The following MAPKAPK5 variants were observed in gnomAD, a reference collection of about 807,000 sequenced individuals.
MAPKAPK5 encodes MAP kinase-activated protein kinase 5.
A neutral mutation model predicts 65.1 loss-of-function variants in MAPKAPK5; 30 were observed. That is an observed-to-expected ratio of 0.46 (90% CI 0.34 to 0.63). The LOEUF is 0.63. MAPKAPK5 is among the 20% of genes least tolerant of loss of function. The pLI, the probability that MAPKAPK5 is intolerant of heterozygous loss-of-function variation, is 0.01. For missense variants in MAPKAPK5, 433 were observed against 581.4 expected (o/e 0.74, Z 2.63); for synonymous variants, 179 against 204.6 (o/e 0.87, Z 1.07).
At chr12:111,890,171 C>G (rs1455664134) in intron 13 of MAPKAPK5, 27 bp downstream of exon 13, 2 of 1,452,694 alleles carry the variant, frequency 1.4e-6, no homozygotes, top group Non-Finnish European at 9.5e-7. Flanking sequence ...ACTCCCTTCC[C>G]CAGGAATGCA....
At chr12:111,862,996 G>A (rs2069492547) in intron 1 of MAPKAPK5, among the ~76,000 whole-genome samples, 1 of 152,168 alleles carries the variant, frequency 6.6e-6, no homozygotes, top group South Asian at 2.1e-4. Context: ...AAGTGGGTAG[G>A]TTTGAGTTCT....
chr12:111,850,693 A>C (rs1171943719), intron 1 of MAPKAPK5, among the ~76,000 whole-genome samples: 1 of 152,188 alleles, frequency 6.6e-6, no homozygotes, highest in Non-Finnish European at 1.5e-5. Context: ...AAGGACATTT[A>C]TGAGTAAGGA....
chr12:111,848,288 G>C (rs181308738), intron 1 of MAPKAPK5, among the ~76,000 whole-genome samples: 1 of 152,160 alleles, frequency 6.6e-6, no homozygotes, highest in Admixed American at 6.5e-5. Flanking sequence ...TGGTGGGTGT[G>C]TAGTGGTATT....
chr12:111,868,097 C>T (rs991042584), intron 4 of MAPKAPK5, among the ~76,000 whole-genome samples: 7 of 152,126 alleles, frequency 4.6e-5, no homozygotes, highest in African/African-American at 1.7e-4. Context: ...AACAAAAAGC[C>T]TTTATTATTG....
At chr12:111,885,858 T>G in intron 9 of MAPKAPK5, 58 bp from the exon 10 acceptor site, 12 of 1,610,666 alleles carry the variant, frequency 7.5e-6, no homozygotes, top group Non-Finnish European at 9.3e-6. Flanking sequence ...TCCAGGAACT[T>G]CCTATGGCCT....
chr12:111,861,336 T>G (rs1173306876), intron 1 of MAPKAPK5, among the ~76,000 whole-genome samples: 1 of 151,104 alleles, frequency 6.6e-6, no homozygotes, highest in Non-Finnish European at 1.5e-5. Context: ...TGTTGTTGTT[T>G]TGTTTGTTTT....
rs1248774506 is a variant in MAPKAPK5 at position 111,894,170 on chromosome 12, G to A, written c.*1109G>A. ...TGATTCTCCTGCCTCAGCCTCCCAA[G>A]TAGTTGGGATTACAGGCACCCGCCA... is the stretch of plus-strand genomic sequence containing the variant. On this transcript the variant is annotated 3_prime_UTR_variant, in exon 14 of 14. Transcript: ENST00000550735. 2 of 151,982 alleles carry A rather than the reference G, an allele frequency of 1.3e-5. No homozygotes were observed. The highest frequency in any genetic ancestry group is 4.9e-5 in the African/African-American group (2 of 41,140). The allele number at this position is 151,982 out of a possible 1,614,324, so 9.4% of individuals were successfully genotyped here. A position where few individuals can be genotyped will look rare whatever the true frequency, so the allele number is the denominator to read the frequency against.
chr12:111,878,655 G>A (rs1254218578), intron 7 of MAPKAPK5, among the ~76,000 whole-genome samples: 1 of 151,922 alleles, frequency 6.6e-6, no homozygotes, highest in Admixed American at 6.6e-5. Context: ...TCCTGACCTC[G>A]TGATCCTCCT....
At chr12:111,886,965 T>A (rs1011261716) in intron 10 of MAPKAPK5, among the ~76,000 whole-genome samples, 1 of 152,204 alleles carries the variant, frequency 6.6e-6, no homozygotes, top group Non-Finnish European at 1.5e-5. Context: ...AGACTAGATA[T>A]AAGGGGACAG....
intron 8 of MAPKAPK5, among the ~76,000 whole-genome samples, chr12:111,881,402 C>CTTTTTTTTTT (rs1274226182): frequency 0.012 from 1,424 of 116,492 alleles, 137 homozygotes; most frequent in African/African-American, 0.031. Context: ...CCTGTCTGTT[C>CTTTTTTTTTT]CTTTTTTTTT....
chr12:111,870,153 T>G (rs1227004725), intron 5 of MAPKAPK5, 118 bp from the exon 6 acceptor site: 3 of 528,476 alleles, frequency 5.7e-6, no homozygotes, highest in Non-Finnish European at 9.9e-6. Flanking sequence ...GCTTTAAAAT[T>G]GAAAGTGAAC....
chr12:111,877,188 T>G (rs963064016), intron 7 of MAPKAPK5, among the ~76,000 whole-genome samples: 1 of 100,420 alleles, frequency 1.0e-5, no homozygotes, highest in Non-Finnish European at 2.1e-5. Flanking sequence ...CGGCTAATTT[T>G]TTGTATTTTT....
chr12:111,846,335 A>G (rs1284469871), intron 1 of MAPKAPK5, among the ~76,000 whole-genome samples: 1 of 152,072 alleles, frequency 6.6e-6, no homozygotes, highest in Non-Finnish European at 1.5e-5. Context: ...CAACACTTTA[A>G]CTCTTGCTGC....
At chr12:111,857,446 T>G (rs918060875) in intron 1 of MAPKAPK5, among the ~76,000 whole-genome samples, 4 of 152,134 alleles carry the variant, frequency 2.6e-5, no homozygotes, top group African/African-American at 9.7e-5. Flanking sequence ...AGAGACGAGG[T>G]TTCGCCATGT....
intron 1 of MAPKAPK5, among the ~76,000 whole-genome samples, chr12:111,850,779 T>A (rs1315581626): frequency 1.3e-5 from 2 of 152,210 alleles, no homozygotes; most frequent in African/African-American, 4.8e-5. Flanking sequence ...GTCAAGTTTA[T>A]GATCAGGACT....
chr12:111,856,155 G>A (rs185928935), intron 1 of MAPKAPK5, among the ~76,000 whole-genome samples: 2 of 151,812 alleles, frequency 1.3e-5, no homozygotes, highest in African/African-American at 2.4e-5. Context: ...GTGTCCAGTC[G>A]TGTTGTTTAA....
chr12:111,889,124 G>C (rs1286586314), intron 12 of MAPKAPK5, 124 bp downstream of exon 12: 6 of 1,112,642 alleles, frequency 5.4e-6, no homozygotes, highest in Admixed American at 4.9e-5. Context: ...GTTTCATCTT[G>C]TGTTATAAGA....
intron 1 of MAPKAPK5, among the ~76,000 whole-genome samples, chr12:111,858,419 A>T (rs1334658719): frequency 6.6e-6 from 1 of 151,182 alleles, no homozygotes; most frequent in Non-Finnish European, 1.5e-5. Context: ...GCTTGACATT[A>T]TTCTACAGGT....
At chr12:111,847,482 A>G (rs913295922) in intron 1 of MAPKAPK5, among the ~76,000 whole-genome samples, 1 of 152,144 alleles carries the variant, frequency 6.6e-6, no homozygotes, top group African/African-American at 2.4e-5. Context: ...CACTTAGCTA[A>G]ATCTGGAGAG....
Sources: gnomAD v4.1 joint callset for allele counts (sites outside exome capture counted in the v4.1 genomes callset) on GRCh38, gnomAD v4.1.1 for gene constraint, MANE v1.5 for transcripts, NCBI Gene and HGNC (gene_info 2026-07-23, HGNC 2026-07-21) for gene names.